The following CNTN5 variants were observed in gnomAD, a reference collection of about 807,000 sequenced individuals.
CNTN5 encodes the protein contactin-5.
In CNTN5, 77 loss-of-function variants were observed where a neutral mutation model predicts 129.1. The ratio of observed to expected loss-of-function variants is 0.60; its 90% CI spans 0.50 to 0.72. The LOEUF is 0.72. Ranked by LOEUF, CNTN5 falls within the 30% of genes least tolerant of loss-of-function variation. The pLI is 0.00. For missense variants in CNTN5, 1,478 were observed against 1,328.8 expected, an observed-to-expected ratio of 1.11 and a Z score of -1.75; for synonymous variants, 509 against 465.6, an observed-to-expected ratio of 1.09 and a Z score of -1.20.
At chr11:100,032,689 A>G (rs1941781111) in intron 9 of CNTN5, among the ~76,000 whole-genome samples, 3 of 152,130 alleles carry the variant, frequency 2.0e-5, no homozygotes, top group Admixed American at 6.6e-5. Context: ...TTAAACACTC[A>G]ATCTGTTTTC....
chr11:99,266,587 G>A (rs922478238), intron 1 of CNTN5, among the ~76,000 whole-genome samples: 3 of 152,024 alleles, frequency 2.0e-5, no homozygotes, highest in African/African-American at 7.3e-5. Context: ...GGGCAACAGA[G>A]CAAGATCTTG....
chr11:99,731,288 T>C (rs1943525664), intron 3 of CNTN5, among the ~76,000 whole-genome samples: 1 of 151,710 alleles, frequency 6.6e-6, no homozygotes. Flanking sequence ...TTTTTTTGTA[T>C]TTTTAGTAGA....
chr11:99,899,485 T>C (rs924434486), intron 6 of CNTN5, among the ~76,000 whole-genome samples: 7 of 152,072 alleles, frequency 4.6e-5, no homozygotes, highest in Non-Finnish European at 2.9e-5. Flanking sequence ...GAGATGATCA[T>C]ATAGTTTTCA....
At chr11:99,772,753 A>C (rs981154675) in intron 3 of CNTN5, among the ~76,000 whole-genome samples, 1 of 152,134 alleles carries the variant, frequency 6.6e-6, no homozygotes, top group Admixed American at 6.6e-5. Flanking sequence ...TATGCAACCT[A>C]TAAAAGTTTA....
At chr11:99,922,034 A>G (rs1044370464) in intron 7 of CNTN5, among the ~76,000 whole-genome samples, 5 of 152,200 alleles carry the variant, frequency 3.3e-5, no homozygotes, top group African/African-American at 1.2e-4. Flanking sequence ...ATATTAGTCC[A>G]TTTTCGTATT....
intron 3 of CNTN5, among the ~76,000 whole-genome samples, chr11:99,804,499 C>G (rs1477224041): frequency 2.0e-5 from 3 of 150,860 alleles, no homozygotes; most frequent in Non-Finnish European, 4.4e-5. Context: ...CACCTAAAGC[C>G]ATGAGTCTAC....
At chr11:100,191,379 A>G (rs1948487441) in intron 14 of CNTN5, 126 bp downstream of exon 14, 3 of 680,214 alleles carry the variant, frequency 4.4e-6, no homozygotes, top group Non-Finnish European at 6.3e-6. Flanking sequence ...TATAAAATAC[A>G]TTGCAAACAT....
At chr11:99,942,616 A>G (rs1193453473) in intron 7 of CNTN5, among the ~76,000 whole-genome samples, 1 of 151,952 alleles carries the variant, frequency 6.6e-6, no homozygotes, top group Non-Finnish European at 1.5e-5. Flanking sequence ...CCTATAACCC[A>G]TAATCTAGGT....
chr11:99,811,839 T>C (rs1419538317), intron 3 of CNTN5, among the ~76,000 whole-genome samples: 1 of 152,072 alleles, frequency 6.6e-6, no homozygotes, highest in African/African-American at 2.4e-5. Flanking sequence ...AGGTCTAACC[T>C]ACAAAAAGTG....
intron 1 of CNTN5, among the ~76,000 whole-genome samples, chr11:99,189,003 C>T (rs1470916187): frequency 5.9e-5 from 9 of 151,684 alleles, no homozygotes; most frequent in Admixed American, 4.0e-4. Context: ...CCAACCACTT[C>T]CCTCCCTCAA....
chr11:100,310,216 C>T (rs922180529), intron 21 of CNTN5, among the ~76,000 whole-genome samples: 4 of 151,892 alleles, frequency 2.6e-5, no homozygotes, highest in Admixed American at 6.6e-5. Context: ...CTGGGGCAGA[C>T]GTCTGGTGTG....
At chr11:100,204,297 AATATATATATATATATATATATATATAT>A (rs10633078) in intron 15 of CNTN5, among the ~76,000 whole-genome samples, 6 of 17,658 alleles carry the variant, frequency 3.4e-4, no homozygotes, top group African/African-American at 5.8e-4. Flanking sequence ...AACATTGACT[AATATATATATATATATATATATATATAT>A]ATATATATAT....
At chr11:99,644,828 C>T (rs1951892847) in intron 3 of CNTN5, among the ~76,000 whole-genome samples, 1 of 152,038 alleles carries the variant, frequency 6.6e-6, no homozygotes, top group African/African-American at 2.4e-5. Context: ...AACTATACAA[C>T]AGGATTCCTT....
chr11:100,136,182 C>A (rs1438783940), intron 13 of CNTN5, among the ~76,000 whole-genome samples: 1 of 152,072 alleles, frequency 6.6e-6, no homozygotes, highest in Non-Finnish European at 1.5e-5. Flanking sequence ...TACAAAAGAA[C>A]AACCATCAGC....
chr11:99,550,403 TC>T lies in CNTN5; in HGVS notation c.-70-5741del, dbSNP rs201333409. Among the ~76,000 whole-genome samples, 641 of 152,272 alleles carry T rather than the reference TC, an allele frequency of 4.2e-3. 4 individuals are homozygous for T. The highest frequency in any genetic ancestry group is 0.017 in the Middle Eastern group (5 of 294). On this transcript the variant is annotated intron_variant, in intron 2 of 24. Coordinates refer to ENST00000524871, the MANE Select transcript of CNTN5 (RefSeq NM_014361.4). ...CCCAGGTGCATTGAGCTAGATAACT[TC>T]AAGGATATCTTGAAAGCAATTCACC... is the stretch of plus-strand genomic sequence containing the variant.
intron 9 of CNTN5, among the ~76,000 whole-genome samples, chr11:100,047,548 A>AT (rs1317309902): frequency 3.3e-5 from 5 of 152,248 alleles, no homozygotes; most frequent in African/African-American, 1.2e-4. Flanking sequence ...TAAACAGGAG[A>AT]TAAATCAGTC....
At chr11:99,907,267 T>G (rs907452926) in intron 6 of CNTN5, among the ~76,000 whole-genome samples, 1 of 151,866 alleles carries the variant, frequency 6.6e-6, no homozygotes, top group Non-Finnish European at 1.5e-5. Flanking sequence ...TTAGTGATAT[T>G]GATAGAAATA....
At chr11:99,103,773 A>G (rs1003613616) in intron 1 of CNTN5, among the ~76,000 whole-genome samples, 6 of 152,060 alleles carry the variant, frequency 3.9e-5, no homozygotes, top group Non-Finnish European at 8.8e-5. Context: ...TCAAAAAAAA[A>G]AAAAAGATGT....
intron 16 of CNTN5, among the ~76,000 whole-genome samples, chr11:100,229,394 T>A (rs935568616): frequency 2.0e-5 from 3 of 152,218 alleles, no homozygotes; most frequent in African/African-American, 7.2e-5. Flanking sequence ...TTTTAGCTAG[T>A]TGTAAAGTAT....
Sources: gnomAD v4.1 joint callset for allele counts (sites outside exome capture counted in the v4.1 genomes callset) on GRCh38, gnomAD v4.1.1 for gene constraint, MANE v1.5 for transcripts, NCBI Gene and HGNC (gene_info 2026-07-23, HGNC 2026-07-21) for gene names.